SNX29: variants seen among roughly 807,000 people sequenced by gnomAD.
SNX29 encodes the protein sorting nexin-29.
SNX29 carries 78 observed loss-of-function variants against 102.1 expected under a neutral mutation model. The ratio of observed to expected loss-of-function variants is 0.76; its 90% CI spans 0.64 to 0.92. The LOEUF is 0.92. Among genes scored for constraint, SNX29 ranks in the 40% least tolerant of loss-of-function variants. The probability of loss-of-function intolerance (pLI) is 0.00; values close to 1 mark genes in which losing one functional copy is unlikely to be tolerated. For synonymous variants in SNX29, 580 were observed against 414.5 expected, an observed-to-expected ratio of 1.40 and a Z score of -4.85; for missense variants, 1,280 against 1,061.7, an observed-to-expected ratio of 1.21 and a Z score of -2.86.
intron 15 of SNX29, among the ~76,000 whole-genome samples, chr16:12,345,208 C>T (rs8052712): frequency 0.063 from 9,644 of 152,290 alleles, 1,000 homozygotes; most frequent in African/African-American, 0.22. Context: ...TTACCATCTG[C>T]AGAAGTGCAT....
At chr16:12,514,280 C>T (rs149546163) in intron 19 of SNX29, among the ~76,000 whole-genome samples, 27 of 152,266 alleles carry the variant, frequency 1.8e-4, no homozygotes, top group African/African-American at 6.3e-4. Flanking sequence ...GGGGAAAGTC[C>T]AGATTCTCTC....
intron 18 of SNX29, among the ~76,000 whole-genome samples, chr16:12,454,871 G>A (rs900841577): frequency 6.6e-6 from 1 of 151,930 alleles, no homozygotes; most frequent in African/African-American, 2.4e-5. Flanking sequence ...TCAGCCTCCC[G>A]AGTAACTGGG....
At chr16:12,350,192 C>T (rs1021430913) in intron 15 of SNX29, among the ~76,000 whole-genome samples, 1 of 152,204 alleles carries the variant, frequency 6.6e-6, no homozygotes, top group Non-Finnish European at 1.5e-5. Context: ...AGTTGGCCCT[C>T]TGTATCTGCG....
intron 15 of SNX29, among the ~76,000 whole-genome samples, chr16:12,347,307 G>A (rs2081843027): frequency 6.6e-6 from 1 of 152,080 alleles, no homozygotes; most frequent in African/African-American, 2.4e-5. Flanking sequence ...GCATTGAGGA[G>A]GATGAGTCCC....
intron 11 of SNX29, among the ~76,000 whole-genome samples, chr16:12,108,442 C>T (rs1386757132): frequency 2.6e-5 from 4 of 152,280 alleles, no homozygotes; most frequent in East Asian, 1.9e-4. Context: ...GAAGGTGTCA[C>T]GGCACCTGGA....
chr16:12,523,892 TTGTG>T (rs372006272), intron 19 of SNX29, among the ~76,000 whole-genome samples: 1 of 151,954 alleles, frequency 6.6e-6, no homozygotes, highest in Non-Finnish European at 1.5e-5. Flanking sequence ...TAGGTTTTTT[TTGTG>T]TGTGTGTGAG....
intron 20 of SNX29, among the ~76,000 whole-genome samples, chr16:12,539,751 C>G (rs186408680): frequency 1.3e-5 from 2 of 152,190 alleles, no homozygotes; most frequent in African/African-American, 4.8e-5. Context: ...AATATTTCAT[C>G]ATGGTCTTAA....
rs1223013940 is a variant in SNX29, at chr16:12,477,815, G to C, written c.2134G>C (p.Val712Leu). Residue 712 changes from valine to leucine, a missense_variant, in exon 19 of 21, where the codon GTG becomes CTG. Transcript: ENST00000566228. ...HHKLQNKYPQ[V>L]RAYNFPPKKA... ...CAAGTTACAAAACAAGTACCCTCAA[G>C]TGAGGGCCTACAACTTCCCACCCAA... 1.9e-6 allele frequency: 3 copies of C among 1,613,064 alleles called. No homozygotes were observed. The highest frequency in any genetic ancestry group is 2.5e-6 in the Non-Finnish European group (3 of 1,179,614).
At chr16:12,475,367 ACTT>A (rs1398309122) in intron 18 of SNX29, among the ~76,000 whole-genome samples, 1 of 152,086 alleles carries the variant, frequency 6.6e-6, no homozygotes, top group African/African-American at 2.4e-5. Flanking sequence ...AACAATAATG[ACTT>A]CTTGATTATT....
chr16:11,988,217 C>T (rs2055706846), intron 1 of SNX29, among the ~76,000 whole-genome samples: 1 of 150,996 alleles, frequency 6.6e-6, no homozygotes, highest in Non-Finnish European at 1.5e-5. Context: ...TCACTTGAAC[C>T]CGGGAGGCAG....
At chr16:12,257,753 C>G (rs1248359502) in intron 14 of SNX29, among the ~76,000 whole-genome samples, 1 of 150,216 alleles carries the variant, frequency 6.7e-6, no homozygotes, top group African/African-American at 2.5e-5. Flanking sequence ...GTCTCGAACT[C>G]CTGATCTCAA....
At chr16:12,364,161 TTGTTATGTTATGTTA>T (rs56227162) in intron 16 of SNX29, among the ~76,000 whole-genome samples, 2,173 of 138,466 alleles carry the variant, frequency 0.016, 26 homozygotes, top group Non-Finnish European at 0.021. Flanking sequence ...CCTGGCTTGT[TTGTTATGTTATGTTA>T]TGTTATGTTA....
intron 20 of SNX29, among the ~76,000 whole-genome samples, chr16:12,566,478 AATG>A (rs1186078965): frequency 6.6e-6 from 1 of 152,100 alleles, no homozygotes; most frequent in Non-Finnish European, 1.5e-5. Context: ...GGCTGTGCTG[AATG>A]ATGATGGTGG....
intron 13 of SNX29, among the ~76,000 whole-genome samples, chr16:12,134,425 C>T (rs796608949): frequency 6.6e-6 from 1 of 152,316 alleles, no homozygotes; most frequent in African/African-American, 2.4e-5. Context: ...GAGTTGCTGT[C>T]ATCTGAAGGC....
intron 15 of SNX29, among the ~76,000 whole-genome samples, chr16:12,279,509 T>C (rs567764595): frequency 6.6e-6 from 1 of 152,350 alleles, no homozygotes; most frequent in South Asian, 2.1e-4. Context: ...TGCCCAGTGC[T>C]CTGCCCTTCC....
At chr16:12,558,440 G>A (rs142560462) in intron 20 of SNX29, among the ~76,000 whole-genome samples, 1 of 152,188 alleles carries the variant, frequency 6.6e-6, no homozygotes, top group Non-Finnish European at 1.5e-5. Flanking sequence ...GAAAGCATTG[G>A]TAGACTTCTG....
At chr16:12,003,883 T>G (rs1481064327) in intron 3 of SNX29, among the ~76,000 whole-genome samples, 1 of 151,324 alleles carries the variant, frequency 6.6e-6, no homozygotes, top group African/African-American at 2.4e-5. Context: ...GGTGCACACC[T>G]GTAGTCCCAG....
At chr16:12,334,537 G>A (rs79474598) in intron 15 of SNX29, among the ~76,000 whole-genome samples, 3,706 of 152,206 alleles carry the variant, frequency 0.024, 91 homozygotes, top group East Asian at 0.13. Flanking sequence ...ATCCTTCCCC[G>A]CAAACATTAT....
At chr16:12,538,642 G>A (rs895040020) in intron 20 of SNX29, among the ~76,000 whole-genome samples, 4 of 152,062 alleles carry the variant, frequency 2.6e-5, no homozygotes, top group Admixed American at 2.0e-4. Flanking sequence ...GGAAAAACTG[G>A]GCTGTGAAAC....
Sources: allele counts gnomAD v4.1 joint callset (sites outside exome capture counted in the v4.1 genomes callset), GRCh38; gene constraint gnomAD v4.1.1; transcripts MANE v1.5; gene names NCBI Gene and HGNC (gene_info 2026-07-23, HGNC 2026-07-21).